The following TBC1D1 variants were observed in gnomAD, a reference collection of about 807,000 sequenced individuals.
The protein encoded by TBC1D1 is TBC1 domain family member 1, also known as TBC1 (tre-2/USP6, BUB2, cdc16) domain family, member 1.
In TBC1D1, 89 loss-of-function variants were observed where a neutral mutation model predicts 125.6. The ratio of observed to expected loss-of-function variants is 0.71; its 90% CI spans 0.60 to 0.85. The LOEUF is 0.85. Ranked by LOEUF, TBC1D1 falls within the 40% of genes least tolerant of loss-of-function variation. TBC1D1 has a pLI of 0.00. For synonymous variants in TBC1D1, 565 were observed against 564.1 expected (o/e 1.00, Z -0.02); for missense variants, 1,377 against 1,469.2 (o/e 0.94, Z 1.03).
rs185639881 is a variant in TBC1D1, at chr4:38,038,882, G to A, written c.1413+3184G>A. Among the ~76,000 whole-genome samples the A allele has an allele frequency of 3.9e-3, 593 of 151,244 alleles. 3 individuals carry two copies. Among genetic ancestry groups the A allele is most frequent in the African/African-American group, 0.014 (565 of 41,240 alleles). On this transcript the variant is annotated intron_variant, in intron 8 of 19. Transcript: ENST00000261439. ...AATGGCATGAACCCGGGAAGCGGAG[G>A]TTGCAGTGAGCCGAGGTCGCACCAC...
chr4:38,017,132 T>G (rs757463230), intron 3 of TBC1D1, among the ~76,000 whole-genome samples: 1 of 152,184 alleles, frequency 6.6e-6, no homozygotes, highest in Non-Finnish European at 1.5e-5. Flanking sequence ...CAGCCATAGC[T>G]AAGTAATAAT....
chr4:38,073,361 G>A (rs916052732), intron 12 of TBC1D1, among the ~76,000 whole-genome samples: 3 of 152,234 alleles, frequency 2.0e-5, no homozygotes, highest in Non-Finnish European at 4.4e-5. Context: ...GTTTAGAACA[G>A]TATCCCTCCT....
intron 15 of TBC1D1, among the ~76,000 whole-genome samples, chr4:38,113,469 A>G (rs1762499250): frequency 6.6e-6 from 1 of 152,250 alleles, no homozygotes. Context: ...GTATCTGATT[A>G]GCTAAAACGA....
At chr4:38,059,666 G>T (rs1387912908) in intron 12 of TBC1D1, among the ~76,000 whole-genome samples, 1 of 152,194 alleles carries the variant, frequency 6.6e-6, no homozygotes, top group East Asian at 1.9e-4. Flanking sequence ...GGCAGAGGGT[G>T]GCGTTAGCGA....
chr4:38,125,259 A>G, intron 18 of TBC1D1, 128 bp downstream of exon 20: 2 of 828,234 alleles, frequency 2.4e-6, no homozygotes, highest in Non-Finnish European at 1.9e-6. Context: ...GATGCCTGGC[A>G]TGGAGGAGGC....
intron 2 of TBC1D1, among the ~76,000 whole-genome samples, chr4:37,972,646 C>T (rs1732272337): frequency 6.6e-6 from 1 of 151,910 alleles, no homozygotes; most frequent in South Asian, 2.1e-4. Flanking sequence ...TGGCTCATGC[C>T]TGTAATCCCA....
intron 19 of TBC1D1, 140 bp from the exon 22 acceptor site, chr4:38,136,995 A>G: frequency 7.1e-7 from 1 of 1,407,330 alleles, no homozygotes; most frequent in Non-Finnish European, 9.8e-7. Flanking sequence ...CTGTGTGGCC[A>G]GAACTGATGA....
At position 38,049,714 on chromosome 4, in the gene TBC1D1, C is replaced by T. The variant is rs1265266058; in HGVS notation, c.1726C>T (p.His576Tyr). ...GGACCTGTCCAGTGACTCGGAGAGT[C>T]ATCTCCCAGAAGAGCCAGCTCCGCT... The change falls in exon 11 of 20, where the codon CAT becomes TAT. Residue 576 changes from histidine (H) to tyrosine (Y), a missense_variant. Physicochemically the swap from His to Tyr is moderately conservative, Grantham distance 83. Coordinates refer to ENST00000261439, the MANE Select transcript of TBC1D1 (RefSeq NM_015173.4). 1 of 1,614,174 alleles carries T rather than the reference C, an allele frequency of 6.2e-7. No individual in the cohort carries two copies. The highest frequency in any genetic ancestry group is 8.5e-7 in the Non-Finnish European group (1 of 1,180,024).
In TBC1D1 at chr4:38,014,400, C is replaced by T; in HGVS notation, c.418-109C>T. ...CCTCCAGTGGGCTCCTCCTCCAGTG[C>T]TCCGCAGTGGAGTAGCCAGCGGGGC... On this transcript the variant is annotated intron_variant, in intron 2 of 19. Transcript: ENST00000261439. The surrounding 1 kb of genome is among the most constrained non-coding windows in gnomAD (Gnocchi z 5.1). 9.3e-7 allele frequency: 1 copy of T among 1,073,206 alleles called. No individual in the cohort carries two copies. Among genetic ancestry groups the T allele is most frequent in the African/African-American group, 1.5e-5 (1 of 64,534 alleles). 66.5% of individuals were successfully genotyped at this position (1,073,206 alleles called of 1,614,324 possible).
chr4:38,049,867 T>C lies in TBC1D1; in HGVS notation c.1879T>C (p.Ser627Pro), dbSNP rs750385451. The C allele has an allele frequency of 1.2e-6, 2 of 1,613,878 alleles. No homozygotes were observed. The highest frequency in any genetic ancestry group is 4.5e-5 in the East Asian group (2 of 44,874). ...GCAAAGGAAACTTATGAGGTATCAC[T>C]CAGTGAGCACAGAGACGCCTCATGA... Residue 627 changes from serine to proline, a missense_variant, in exon 11 of 20, where the codon TCA becomes CCA. Physicochemically the swap from Ser to Pro is moderately conservative, Grantham distance 74 (BLOSUM62 -1). Transcript: ENST00000261439.
intron 4 of TBC1D1, among the ~76,000 whole-genome samples, chr4:38,019,494 G>A (rs1743540443): frequency 6.6e-6 from 1 of 152,224 alleles, no homozygotes; most frequent in South Asian, 2.1e-4. Flanking sequence ...TTTTAATCCT[G>A]ATTTGCTGCT....
chr4:38,017,526 A>T (rs576701266), intron 3 of TBC1D1, among the ~76,000 whole-genome samples: 1 of 152,300 alleles, frequency 6.6e-6, no homozygotes, highest in Non-Finnish European at 1.5e-5. Context: ...GGGCCCCCTC[A>T]TTGAGAGTAT....
chr4:38,016,857 A>G (rs542718168), intron 3 of TBC1D1, among the ~76,000 whole-genome samples: 7 of 152,224 alleles, frequency 4.6e-5, no homozygotes, highest in Non-Finnish European at 1.0e-4. Flanking sequence ...CAGTCACTGC[A>G]TGCTATAAAA....
chr4:37,956,701 CT>C (rs1268327697), intron 2 of TBC1D1, among the ~76,000 whole-genome samples: 5 of 152,076 alleles, frequency 3.3e-5, no homozygotes, highest in African/African-American at 1.2e-4. Flanking sequence ...AATCCCAGCA[CT>C]TTGGGAGACC....
intron 12 of TBC1D1, among the ~76,000 whole-genome samples, chr4:38,058,476 G>A (rs536766978): frequency 2.2e-4 from 34 of 152,324 alleles, no homozygotes; most frequent in African/African-American, 8.2e-4. Context: ...GGGCAGCTGA[G>A]CCTGCAGCCG....
At chr4:38,037,298 CA>C (rs1359434434) in intron 8 of TBC1D1, among the ~76,000 whole-genome samples, 1 of 150,788 alleles carries the variant, frequency 6.6e-6, no homozygotes, top group Non-Finnish European at 1.5e-5. Context: ...CCCAAAAAAA[CA>C]TAAGAGTTCA....
chr4:37,977,342 G>A lies in TBC1D1; in HGVS notation c.418-37167G>A. ...GGGCGCGACCTCTCGGGGCAGTGAC[G>A]AACTGGGTGGAGCCCGCCGCCGCCG... On this transcript the variant is annotated intron_variant, in intron 2 of 19. Transcript: ENST00000261439. This position sits in a 1 kb window ranked among gnomAD's most constrained non-coding sequence, Gnocchi z 4.3. 4.8e-6 allele frequency: 1 copy of A among 208,480 alleles called. No homozygotes were observed. Among genetic ancestry groups the A allele is most frequent in the Non-Finnish European group, 8.2e-6 (1 of 122,090 alleles). 12.9% of individuals were successfully genotyped at this position (208,480 alleles called of 1,614,324 possible). A position where few individuals can be genotyped will look rare whatever the true frequency, so the allele number is the denominator to read the frequency against.
At chr4:38,044,584 T>C in intron 9 of TBC1D1, 94 bp downstream of exon 9, 2 of 1,331,768 alleles carry the variant, frequency 1.5e-6, no homozygotes, top group Non-Finnish European at 2.0e-6. Flanking sequence ...ATGTTCATCA[T>C]AAAGGTAAAA....
chr4:37,925,185 C>G (rs1194046129), intron 2 of TBC1D1, among the ~76,000 whole-genome samples: 2 of 152,194 alleles, frequency 1.3e-5, no homozygotes, highest in African/African-American at 2.4e-5. Flanking sequence ...TGTTCTCTCC[C>G]GTGAATTCGA....
Sources: allele counts gnomAD v4.1 joint callset (sites outside exome capture counted in the v4.1 genomes callset), GRCh38; gene constraint gnomAD v4.1.1; non-coding constraint Gnocchi (gnomAD v3.1); transcripts MANE v1.5; gene names NCBI Gene and HGNC (gene_info 2026-07-23, HGNC 2026-07-21).